The following SPOCK3 variants were observed in gnomAD, a reference collection of about 807,000 sequenced individuals.
SPOCK3 encodes the protein testican-3.
In SPOCK3, 30 loss-of-function variants were observed where a neutral mutation model predicts 56.6. That is an observed-to-expected ratio of 0.53 (90% CI 0.40 to 0.72). The LOEUF (loss-of-function observed/expected upper bound fraction) is 0.72. Among genes scored for constraint, SPOCK3 ranks in the 30% least tolerant of loss-of-function variants. The pLI is 0.00. For synonymous variants in SPOCK3, 196 were observed against 183.3 expected, an observed-to-expected ratio of 1.07 and a Z score of -0.56; for missense variants, 527 against 530.0, an observed-to-expected ratio of 0.99 and a Z score of 0.06.
chr4:167,172,787 T>C (rs753156339), intron 2 of SPOCK3, among the ~76,000 whole-genome samples: 1 of 152,164 alleles, frequency 6.6e-6, no homozygotes, highest in Non-Finnish European at 1.5e-5. Context: ...TTTATGTATA[T>C]ATGCAAGTAT....
chr4:167,009,782 C>A (rs2150142545), intron 3 of SPOCK3, among the ~76,000 whole-genome samples: 1 of 151,966 alleles, frequency 6.6e-6, no homozygotes, highest in East Asian at 1.9e-4. Flanking sequence ...TCAAAATATT[C>A]TTGTAAAATC....
At chr4:166,795,083 G>T (rs1741785848) in intron 6 of SPOCK3, among the ~76,000 whole-genome samples, 1 of 152,162 alleles carries the variant, frequency 6.6e-6, no homozygotes, top group African/African-American at 2.4e-5. Context: ...CTATGGAGGT[G>T]AGATCTAAGA....
chr4:167,078,894 C>T (rs1757457406), intron 2 of SPOCK3, among the ~76,000 whole-genome samples: 1 of 151,714 alleles, frequency 6.6e-6, no homozygotes, highest in Admixed American at 6.6e-5. Flanking sequence ...TAAAGTGCTC[C>T]CTGTATGCCT....
At chr4:166,929,437 T>C (rs1456284409) in intron 4 of SPOCK3, among the ~76,000 whole-genome samples, 1 of 152,202 alleles carries the variant, frequency 6.6e-6, no homozygotes, top group Non-Finnish European at 1.5e-5. Context: ...TGCAAATAGA[T>C]TGTAGATCAA....
Position 166,844,641 on chromosome 4 carries a change from T to A in SPOCK3, c.589+44489A>T, listed in dbSNP as rs10013298. On this transcript the variant is annotated intron_variant, in intron 6 of 10. Coordinates refer to ENST00000357545, the MANE Select transcript of SPOCK3 (RefSeq NM_001040159.2). ...CTGCCAGTGTCTGTCTGTCTGTCTA[T>A]CTGTCTCTTTCTTGATATATGTATA... Among the ~76,000 whole-genome samples the A allele has an allele frequency of 5.2e-3, 789 of 152,232 alleles. 11 individuals carry two copies. The highest frequency in any genetic ancestry group is 0.018 in the African/African-American group (758 of 41,556).
In SPOCK3 at chr4:166,754,247, G is replaced by T. The variant is rs1579126005; in HGVS notation, c.931+261C>A. ...TTCTTAATATTTCTGTGTGCTTCTT[G>T]GTGGCTCATAATGGAAACTATAATG... On this transcript the variant is annotated intron_variant, in intron 8 of 10. Transcript: ENST00000357545. 3 of 1,144,798 alleles carry T rather than the reference G, an allele frequency of 2.6e-6. No homozygotes were observed. The South Asian group carries it at 1.1e-4, about 42-fold the overall frequency. The allele number at this position is 1,144,798 out of a possible 1,614,324, so 70.9% of individuals were successfully genotyped here.
intron 2 of SPOCK3, among the ~76,000 whole-genome samples, chr4:167,183,042 T>A (rs904434279): frequency 2.6e-5 from 4 of 152,094 alleles, no homozygotes; most frequent in African/African-American, 9.7e-5. Context: ...CTGTGCAAGT[T>A]CCTGATTGTT....
At chr4:167,192,260 T>G (rs1196383479) in intron 2 of SPOCK3, among the ~76,000 whole-genome samples, 1 of 146,072 alleles carries the variant, frequency 6.8e-6, no homozygotes, top group African/African-American at 2.6e-5. Flanking sequence ...AATTTCCTCT[T>G]CTGGCTTTGG....
chr4:167,054,708 G>T (rs1193631689), intron 3 of SPOCK3, among the ~76,000 whole-genome samples: 1 of 152,054 alleles, frequency 6.6e-6, no homozygotes, highest in African/African-American at 2.4e-5. Context: ...TGTTTTAGTG[G>T]TAAAACATAA....
chr4:167,006,601 G>A (rs757867097), intron 3 of SPOCK3, among the ~76,000 whole-genome samples: 1 of 152,012 alleles, frequency 6.6e-6, no homozygotes, highest in African/African-American at 2.4e-5. Context: ...CGCCTACCCA[G>A]AAAATCATTC....
intron 2 of SPOCK3, among the ~76,000 whole-genome samples, chr4:167,097,893 A>G (rs2150319595): frequency 6.6e-6 from 1 of 152,160 alleles, no homozygotes; most frequent in East Asian, 1.9e-4. Flanking sequence ...TGTCATTTGC[A>G]GCAACATGGA....
intron 3 of SPOCK3, among the ~76,000 whole-genome samples, chr4:167,024,697 G>A (rs528347812): frequency 1.6e-4 from 25 of 152,120 alleles, no homozygotes; most frequent in East Asian, 9.7e-4. Context: ...GGGACTTGGC[G>A]GGAAGGGTGG....
At chr4:166,777,354 T>A (rs969110598) in intron 7 of SPOCK3, among the ~76,000 whole-genome samples, 4 of 152,210 alleles carry the variant, frequency 2.6e-5, no homozygotes, top group African/African-American at 9.6e-5. Flanking sequence ...TGCGAGCATG[T>A]AATGTGCCAG....
chr4:167,108,619 A>G (rs1760397193), intron 2 of SPOCK3, among the ~76,000 whole-genome samples: 2 of 151,578 alleles, frequency 1.3e-5, no homozygotes. Flanking sequence ...CAATTGAACT[A>G]TGGAAAGAGA....
intron 3 of SPOCK3, among the ~76,000 whole-genome samples, chr4:167,051,625 A>G (rs567263377): frequency 6.6e-6 from 1 of 152,298 alleles, no homozygotes; most frequent in East Asian, 1.9e-4. Flanking sequence ...CTGAACAGGG[A>G]AAGTTTAGAG....
At chr4:166,853,642 A>G (rs569334049) in intron 6 of SPOCK3, among the ~76,000 whole-genome samples, 1 of 152,248 alleles carries the variant, frequency 6.6e-6, no homozygotes, top group East Asian at 1.9e-4. Context: ...CAGCACTCAG[A>G]GAGGCAGAGG....
intron 7 of SPOCK3, among the ~76,000 whole-genome samples, chr4:166,770,065 G>A (rs1454786510): frequency 3.3e-5 from 5 of 152,090 alleles, no homozygotes; most frequent in Admixed American, 6.6e-5. Context: ...AGAGTGACTC[G>A]ATTTTCCAGG....
At chr4:166,896,568 A>C (rs1735404682) in intron 5 of SPOCK3, among the ~76,000 whole-genome samples, 1 of 152,008 alleles carries the variant, frequency 6.6e-6, no homozygotes, top group East Asian at 1.9e-4. Context: ...TGGCCTCCCT[A>C]TCTCTCGGTA....
At chr4:166,940,692 C>T (rs972292852) in intron 4 of SPOCK3, among the ~76,000 whole-genome samples, 2 of 150,636 alleles carry the variant, frequency 1.3e-5, no homozygotes, top group Non-Finnish European at 3.0e-5. Context: ...TGTGTATGTG[C>T]ACCCAGAACC....
Sources: allele counts gnomAD v4.1 joint callset (sites outside exome capture counted in the v4.1 genomes callset), GRCh38; gene constraint gnomAD v4.1.1; transcripts MANE v1.5; gene names NCBI Gene and HGNC (gene_info 2026-07-23, HGNC 2026-07-21).